NEDD4L: variants seen among roughly 807,000 people sequenced by gnomAD.
The protein encoded by NEDD4L is NEDD4 like E3 ubiquitin protein ligase, also known as E3 ubiquitin-protein ligase NEDD4-like.
NEDD4L carries 54 observed loss-of-function variants against 148.9 expected under a neutral mutation model. That is an observed-to-expected ratio of 0.36 (90% CI 0.29 to 0.45). The LOEUF is 0.45. Among genes scored for constraint, NEDD4L ranks in the 20% least tolerant of loss-of-function variants. The pLI is 1.00. For missense variants in NEDD4L, 856 were observed against 1,233.8 expected, an observed-to-expected ratio of 0.69 and a Z score of 4.59; for synonymous variants, 433 against 440.7, an observed-to-expected ratio of 0.98 and a Z score of 0.22.
At chr18:58,208,041 T>TCAACAACAA (rs552503395) in intron 2 of NEDD4L, among the ~76,000 whole-genome samples, 126 of 151,940 alleles carry the variant, frequency 8.3e-4, no homozygotes, top group African/African-American at 2.9e-3. Context: ...AGACTCTGTC[T>TCAACAACAA]CAACAACAAC....
chr18:58,152,669 A>G (rs2034926375), intron 1 of NEDD4L, among the ~76,000 whole-genome samples: 1 of 152,198 alleles, frequency 6.6e-6, no homozygotes, highest in Non-Finnish European at 1.5e-5. Flanking sequence ...GGAGATTCGG[A>G]TTCTGGAAGT....
chr18:58,290,090 T>G lies in NEDD4L; in HGVS notation c.298-25892T>G, dbSNP rs533335540. Among the ~76,000 whole-genome samples the G allele has an allele frequency of 7.2e-5, 11 of 152,360 alleles. 1 individual carries two copies. The South Asian group carries it at 2.3e-3, about 32-fold the overall frequency. The stretch of plus-strand genomic sequence containing the variant: ...CAATGATCAGATATTTTACTGTAAA[T>G]TAATATCATCATAAACTCCTAGACA... On this transcript the variant is annotated intron_variant, in intron 5 of 30. Coordinates refer to ENST00000400345, the MANE Select transcript of NEDD4L (RefSeq NM_001144967.3).
intron 1 of NEDD4L, among the ~76,000 whole-genome samples, chr18:58,156,051 T>A (rs1320627658): frequency 6.6e-6 from 1 of 152,222 alleles, no homozygotes; most frequent in Non-Finnish European, 1.5e-5. Context: ...TTCTCAGTGC[T>A]GTTTTGGGTG....
chr18:58,086,369 G>A lies in NEDD4L; in HGVS notation c.48+41661G>A, dbSNP rs1169382678. On this transcript the variant is annotated intron_variant, in intron 1 of 30. Coordinates refer to ENST00000400345, the MANE Select transcript of NEDD4L (RefSeq NM_001144967.3). ...AAACTAGCAGTAGTGGTTCCCTGCAGGGTGGGGGCTCTGGATGTGGGTGTG... is the reference window on the plus strand; with the variant it reads ...AAACTAGCAGTAGTGGTTCCCTGCAAGGTGGGGGCTCTGGATGTGGGTGTG... Among the ~76,000 whole-genome samples, 3 of 152,336 alleles carry A rather than the reference G, an allele frequency of 2.0e-5. No individual in the cohort carries two copies. In the East Asian group the frequency reaches 5.8e-4, roughly 29 times the overall value.
intron 5 of NEDD4L, among the ~76,000 whole-genome samples, chr18:58,262,405 G>T (rs2049521403): frequency 6.6e-6 from 1 of 152,182 alleles, no homozygotes; most frequent in South Asian, 2.1e-4. Flanking sequence ...GAGGCAGGTA[G>T]ATCCCTTGAG....
At chr18:58,089,253 C>T (rs1340785078) in intron 1 of NEDD4L, among the ~76,000 whole-genome samples, 1 of 150,912 alleles carries the variant, frequency 6.6e-6, no homozygotes, top group East Asian at 1.9e-4. Flanking sequence ...CCTGCCTCAG[C>T]CTCCCGAGTA....
chr18:58,209,652 GA>G (rs2042403202), intron 2 of NEDD4L, among the ~76,000 whole-genome samples: 1 of 151,044 alleles, frequency 6.6e-6, no homozygotes, highest in African/African-American at 2.4e-5. Flanking sequence ...ATTATTTAAT[GA>G]AGGTAAAAAG....
intron 24 of NEDD4L, among the ~76,000 whole-genome samples, chr18:58,374,611 C>A (rs1346891691): frequency 6.6e-6 from 1 of 152,064 alleles, no homozygotes; most frequent in Non-Finnish European, 1.5e-5. Context: ...CCAGCAGCCT[C>A]CCCAGGACCG....
intron 9 of NEDD4L, among the ~76,000 whole-genome samples, chr18:58,327,028 GC>G (rs1243359204): frequency 3.9e-5 from 6 of 152,166 alleles, no homozygotes; most frequent in African/African-American, 1.2e-4. Context: ...ATCTTTGGTG[GC>G]AGTGTCCCAG....
chr18:58,193,998 T>TA (rs2040391723), intron 2 of NEDD4L: 1 of 152,322 alleles, frequency 6.6e-6, no homozygotes, highest in Non-Finnish European at 1.5e-5. Flanking sequence ...TGTTGTGAAT[T>TA]TCATTCTGTG....
chr18:58,291,387 C>T (rs1378396976), intron 5 of NEDD4L, among the ~76,000 whole-genome samples: 1 of 152,144 alleles, frequency 6.6e-6, no homozygotes, highest in Non-Finnish European at 1.5e-5. Context: ...TTTCTCTGTG[C>T]CTGGAGAGGA....
intron 2 of NEDD4L, among the ~76,000 whole-genome samples, chr18:58,206,557 A>G (rs2042006238): frequency 6.6e-6 from 1 of 152,190 alleles, no homozygotes; most frequent in Non-Finnish European, 1.5e-5. Flanking sequence ...CCTCAGGTAT[A>G]AGCTCTTGGA....
chr18:58,140,437 G>A (rs2033369420), intron 1 of NEDD4L, among the ~76,000 whole-genome samples: 1 of 152,178 alleles, frequency 6.6e-6, no homozygotes, highest in Non-Finnish European at 1.5e-5. Context: ...TGCCAGTCAG[G>A]TTGCTTCCTT....
chr18:58,312,996 G>C (rs985913089), intron 5 of NEDD4L, among the ~76,000 whole-genome samples: 2 of 152,008 alleles, frequency 1.3e-5, no homozygotes, highest in Non-Finnish European at 2.9e-5. Flanking sequence ...GTTTTTAATC[G>C]GTGTAGTGTC....
intron 24 of NEDD4L, among the ~76,000 whole-genome samples, chr18:58,375,378 G>C (rs2047431346): frequency 6.6e-6 from 1 of 152,050 alleles, no homozygotes; most frequent in East Asian, 1.9e-4. Flanking sequence ...GCCCCTTATG[G>C]ACTATTTCTG....
At chr18:58,116,390 T>C (rs1356295365) in intron 1 of NEDD4L, among the ~76,000 whole-genome samples, 1 of 152,240 alleles carries the variant, frequency 6.6e-6, no homozygotes, top group Non-Finnish European at 1.5e-5. Flanking sequence ...AATGTGGTTT[T>C]GGTTTAGCTG....
Position 58,256,214 on chromosome 18 carries a change from ATCCAGCACCGCGCC to A in NEDD4L, c.297+4167_297+4180del. The A allele has an allele frequency of 2.5e-6, 3 of 1,223,096 alleles. No individual in the cohort carries two copies. Among genetic ancestry groups the A allele is most frequent in the Non-Finnish European group, 3.1e-6 (3 of 982,474 alleles). 75.8% of individuals were successfully genotyped at this position (1,223,096 alleles called of 1,614,324 possible). A position where few individuals can be genotyped will look rare whatever the true frequency, so the allele number is the denominator to read the frequency against. ...GGAGGAGGCTGCCCCGGGCCTGCGC[ATCCAGCACCGCGCC>A]TCCAGCGCCGACGTGCGCCAGGTGA... On this transcript the variant is annotated intron_variant, in intron 5 of 30. Transcript: ENST00000400345. The surrounding 1 kb of genome is among the most constrained non-coding windows in gnomAD (Gnocchi z 5.2).
chr18:58,295,508 G>C (rs1196456761), intron 5 of NEDD4L, among the ~76,000 whole-genome samples: 3 of 152,172 alleles, frequency 2.0e-5, no homozygotes, highest in Non-Finnish European at 2.9e-5. Context: ...CGCTTAGTTA[G>C]TCATTCATCT....
chr18:58,271,066 T>C (rs1030568119), intron 5 of NEDD4L, among the ~76,000 whole-genome samples: 1 of 151,874 alleles, frequency 6.6e-6, no homozygotes, highest in Non-Finnish European at 1.5e-5. Flanking sequence ...CGGCACATAT[T>C]AATGCTTAAT....
Sources: gnomAD v4.1 joint callset for allele counts (sites outside exome capture counted in the v4.1 genomes callset) on GRCh38, gnomAD v4.1.1 for gene constraint, Gnocchi (gnomAD v3.1) non-coding constraint, MANE v1.5 for transcripts, NCBI Gene and HGNC (gene_info 2026-07-23, HGNC 2026-07-21) for gene names.